The following TJP1 variants were observed in gnomAD, a reference collection of about 807,000 sequenced individuals.
TJP1 encodes the protein tight junction protein ZO-1.
In TJP1, 43 loss-of-function variants were observed where a neutral mutation model predicts 194.2. That is an observed-to-expected ratio of 0.22 (90% CI 0.17 to 0.29). The LOEUF is 0.29. Ranked by LOEUF, TJP1 falls within the 10% of genes least tolerant of loss-of-function variation. The pLI is 1.00. For missense variants in TJP1, 1,971 were observed against 2,185.7 expected, an observed-to-expected ratio of 0.90 and a Z score of 1.96; for synonymous variants, 801 against 779.0, an observed-to-expected ratio of 1.03 and a Z score of -0.47.
At chr15:29,819,979 A>G (rs2152000776) in intron 1 of TJP1, among the ~76,000 whole-genome samples, 1 of 152,342 alleles carries the variant, frequency 6.6e-6, no homozygotes, top group African/African-American at 2.4e-5. Flanking sequence ...CAAGAACAAA[A>G]TCCTGGAAAC....
chr15:29,857,101 C>CAG, intron 2 of TJP1, among the ~76,000 whole-genome samples: 1 of 151,950 alleles, frequency 6.6e-6, no homozygotes, highest in Non-Finnish European at 1.5e-5. Context: ...GAAGGGGGTC[C>CAG]TGGGACAATC....
Position 29,874,906 on chromosome 15 carries a change from A to C in TJP1, c.307-74204T>G, listed in dbSNP as rs138031005. ...GGACCATTCAGGTAAATACAGAGCT[A>C]ATAATTACAAGAAGCAAATAATACC... On this transcript the variant is annotated intron_variant, in intron 2 of 28. Transcript: ENST00000356107. Among the ~76,000 whole-genome samples, 638 of 152,358 alleles carry C rather than the reference A, an allele frequency of 4.2e-3. 7 individuals carry two copies. Among genetic ancestry groups the C allele is most frequent in the African/African-American group, 0.015 (607 of 41,590 alleles).
In TJP1 at chr15:29,822,415, G is replaced by T; in HGVS notation, c.-387C>A. 2 of 993,094 alleles carry T rather than the reference G, an allele frequency of 2.0e-6. No individual in the cohort carries two copies. Among genetic ancestry groups the T allele is most frequent in the Non-Finnish European group, 2.4e-6 (2 of 835,058 alleles). 61.5% of individuals were successfully genotyped at this position (993,094 alleles called of 1,614,324 possible). A position where few individuals can be genotyped will look rare whatever the true frequency, so the allele number is the denominator to read the frequency against. On this transcript the variant is annotated 5_prime_UTR_variant, in exon 1 of 28. Coordinates refer to ENST00000614355, the MANE Select transcript of TJP1 (RefSeq NM_001330239.4). ...CGTAACTTCCCGGGAACCGGCGGCCGCCAAGGAACGCGGCGTCCGCTGGCT... is the reference window on the plus strand; with the variant it reads ...CGTAACTTCCCGGGAACCGGCGGCCTCCAAGGAACGCGGCGTCCGCTGGCT...
chr15:29,819,938 T>C (rs1467818169), intron 1 of TJP1, among the ~76,000 whole-genome samples: 1 of 152,130 alleles, frequency 6.6e-6, no homozygotes, highest in African/African-American at 2.4e-5. Context: ...TACAGTAATA[T>C]ATGTGTACAG....
chr15:29,720,000 G>C lies in TJP1; in HGVS notation c.2780C>G (p.Ser927Cys). 1 of 1,608,672 alleles carries C rather than the reference G, an allele frequency of 6.2e-7. No individual in the cohort carries two copies. Among genetic ancestry groups the C allele is most frequent in the Non-Finnish European group, 8.5e-7 (1 of 1,178,404 alleles). Residue 927 changes from serine to cysteine, a missense_variant, in exon 20 of 28, where the codon TCT becomes TGT. Ser to Cys is a moderately radical substitution (Grantham distance 112, BLOSUM62 -1). This residue lies in a region of TJP1 where 1,108 missense variants were observed against 1,128.5 expected (regional missense o/e 0.98). Transcript: ENST00000614355. The stretch of plus-strand genomic sequence containing the variant: ...TTCAGGCGAAAGGTAAGGGACTGGA[G>C]ATGAAGCTTCTGCTTTCTGTGAAGT... ...PASQQKAEAS[S>C]PVPYLSPETN... is the part of the protein sequence containing the mutation.
chr15:29,900,738 T>C (rs559163677), intron 2 of TJP1, among the ~76,000 whole-genome samples: 3 of 152,344 alleles, frequency 2.0e-5, no homozygotes, highest in South Asian at 2.1e-4. Context: ...TTGTGTGGTA[T>C]GCTTAGGTTC....
chr15:29,963,841 A>G (rs1328205864), intron 1 of TJP1, among the ~76,000 whole-genome samples: 1 of 152,050 alleles, frequency 6.6e-6, no homozygotes, highest in African/African-American at 2.4e-5. Flanking sequence ...TTTAGTAGAG[A>G]CAGGGTTTCA....
intron 6 of TJP1, 66 bp downstream of exon 6, chr15:29,762,269 A>G: frequency 7.4e-7 from 1 of 1,344,140 alleles, no homozygotes; most frequent in Non-Finnish European, 1.0e-6. Flanking sequence ...AAGAGCACAG[A>G]CTACATGGTA....
At chr15:29,909,625 C>T (rs1329961408) in intron 2 of TJP1, among the ~76,000 whole-genome samples, 6 of 152,090 alleles carry the variant, frequency 3.9e-5, no homozygotes. Flanking sequence ...GTCCTGAGTC[C>T]TCAGCACCTA....
At chr15:29,702,268 G>A (rs2041596638) in intron 27 of TJP1, among the ~76,000 whole-genome samples, 3 of 152,260 alleles carry the variant, frequency 2.0e-5, no homozygotes, top group African/African-American at 4.8e-5. Flanking sequence ...GCAAAAAAAC[G>A]AGACTGCACC....
At chr15:29,728,162 T>G (rs1380097416) in intron 15 of TJP1, 143 bp from the exon 16 acceptor site, 1 of 536,032 alleles carries the variant, frequency 1.9e-6, no homozygotes. Context: ...GTACTTAAAG[T>G]GAGTTTTAAT....
chr15:29,724,224 C>T (rs1056049270), intron 18 of TJP1, among the ~76,000 whole-genome samples: 2 of 152,148 alleles, frequency 1.3e-5, no homozygotes, highest in Non-Finnish European at 2.9e-5. Context: ...TGTCAGGTCT[C>T]CCCATGCTCC....
At chr15:29,776,733 C>T (rs1324463003) in intron 2 of TJP1, among the ~76,000 whole-genome samples, 1 of 152,230 alleles carries the variant, frequency 6.6e-6, no homozygotes, top group East Asian at 1.9e-4. Context: ...CCACATTTCA[C>T]CACACAGTGT....
chr15:29,932,336 T>A (rs970636108), intron 2 of TJP1, among the ~76,000 whole-genome samples: 1 of 152,148 alleles, frequency 6.6e-6, no homozygotes. Context: ...CACACATATA[T>A]GGAAACCTGG....
intron 4 of TJP1, 104 bp downstream of exon 4, chr15:29,771,960 T>C (rs2046716203): frequency 2.9e-6 from 2 of 695,674 alleles, no homozygotes; most frequent in African/African-American, 1.8e-5. Flanking sequence ...TTTGGAACTA[T>C]TGTTTCAGTT....
At chr15:29,820,552 G>GT (rs1567097891) in intron 1 of TJP1, 1 of 716,760 alleles carries the variant, frequency 1.4e-6, no homozygotes, top group Non-Finnish European at 2.6e-6. Flanking sequence ...CATTGAAAAC[G>GT]TATTTCTCTC....
At chr15:29,836,303 T>C (rs1179619838) in intron 2 of TJP1, among the ~76,000 whole-genome samples, 1 of 151,662 alleles carries the variant, frequency 6.6e-6, no homozygotes, top group African/African-American at 2.4e-5. Context: ...AGACAGAGTC[T>C]TGCTCTGTCG....
At chr15:29,789,108 T>G (rs1208634620) in intron 2 of TJP1, among the ~76,000 whole-genome samples, 1 of 152,210 alleles carries the variant, frequency 6.6e-6, no homozygotes, top group Non-Finnish European at 1.5e-5. Flanking sequence ...AAAGTTAGTT[T>G]CACCTGTTTT....
At chr15:29,767,217 C>A (rs570776439) in intron 4 of TJP1, among the ~76,000 whole-genome samples, 7 of 152,252 alleles carry the variant, frequency 4.6e-5, no homozygotes, top group Non-Finnish European at 7.4e-5. Flanking sequence ...TTCCTTCATT[C>A]TCTGCAAGCT....
Sources: gnomAD v4.1 joint callset for allele counts (sites outside exome capture counted in the v4.1 genomes callset) on GRCh38, gnomAD v4.1.1 for gene constraint, gnomAD v4.1.1 regional missense constraint, MANE v1.5 for transcripts, NCBI Gene and HGNC (gene_info 2026-07-23, HGNC 2026-07-21) for gene names.